Variants in PTPRM observed in about 807,000 individuals in gnomAD.
The protein encoded by PTPRM is receptor-type tyrosine-protein phosphatase mu.
PTPRM carries 47 observed loss-of-function variants against 186.7 expected under a neutral mutation model. The ratio of observed to expected loss-of-function variants is 0.25; its 90% CI spans 0.20 to 0.32. The LOEUF is 0.32. PTPRM is among the 10% of genes least tolerant of loss of function. The pLI is 1.00. For synonymous variants in PTPRM, 668 were observed against 674.9 expected, an observed-to-expected ratio of 0.99 and a Z score of 0.16; for missense variants, 1,494 against 1,865.0, an observed-to-expected ratio of 0.80 and a Z score of 3.66.
chr18:8,001,970 C>G (rs1488730688), intron 7 of PTPRM, among the ~76,000 whole-genome samples: 2 of 152,166 alleles, frequency 1.3e-5, no homozygotes, highest in Non-Finnish European at 2.9e-5. Flanking sequence ...ACAGTTCTGC[C>G]TCAGCTAATG....
chr18:8,137,320 A>T (rs867977495), intron 13 of PTPRM, among the ~76,000 whole-genome samples: 2 of 152,078 alleles, frequency 1.3e-5, no homozygotes, highest in African/African-American at 4.8e-5. Context: ...GGTTCAATTC[A>T]GACATTGAAC....
chr18:8,117,064 G>A (rs2145756226), intron 13 of PTPRM, among the ~76,000 whole-genome samples: 1 of 152,274 alleles, frequency 6.6e-6, no homozygotes, highest in Middle Eastern at 3.4e-3. Flanking sequence ...GTTCTACATG[G>A]ACGGATTCAT....
intron 4 of PTPRM, among the ~76,000 whole-genome samples, chr18:7,909,725 T>C (rs1379488277): frequency 3.6e-5 from 4 of 109,730 alleles, no homozygotes; most frequent in African/African-American, 1.0e-4. Flanking sequence ...TAAAGGCTCT[T>C]GTTTGGATTC....
At chr18:8,226,305 T>C (rs563443778) in intron 14 of PTPRM, among the ~76,000 whole-genome samples, 12 of 125,668 alleles carry the variant, frequency 9.5e-5, no homozygotes, top group South Asian at 2.6e-4. Flanking sequence ...CACAAATAAA[T>C]AGCATGTAAA....
intron 14 of PTPRM, among the ~76,000 whole-genome samples, chr18:8,213,166 T>A (rs923495402): frequency 1.3e-5 from 2 of 152,218 alleles, no homozygotes; most frequent in African/African-American, 2.4e-5. Flanking sequence ...TTTTTTGTTA[T>A]AGATGTTTAA....
At chr18:8,085,558 G>A in intron 9 of PTPRM, 113 bp from the exon 10 acceptor site, 1 of 895,278 alleles carries the variant, frequency 1.1e-6, no homozygotes, top group Non-Finnish European at 1.8e-6. Context: ...AGTCTGAGTA[G>A]GAGCTTATCA....
intron 14 of PTPRM, among the ~76,000 whole-genome samples, chr18:8,188,490 T>C (rs41366746): frequency 0.034 from 5,219 of 152,084 alleles, 306 homozygotes; most frequent in African/African-American, 0.12. Context: ...TCCGAGAAAA[T>C]GTCCAGCTGA....
intron 18 of PTPRM, 86 bp from the exon 19 acceptor site, chr18:8,253,141 C>G: frequency 8.6e-7 from 1 of 1,156,332 alleles, no homozygotes. Context: ...TGAGGGGATG[C>G]CAGGAGCCAG....
At chr18:8,206,479 A>T (rs993804877) in intron 14 of PTPRM, among the ~76,000 whole-genome samples, 3 of 151,890 alleles carry the variant, frequency 2.0e-5, no homozygotes, top group Non-Finnish European at 4.4e-5. Flanking sequence ...CGATCTCCTG[A>T]CCTCATCATC....
intron 3 of PTPRM, among the ~76,000 whole-genome samples, chr18:7,890,841 G>A (rs898373169): frequency 3.3e-5 from 5 of 152,216 alleles, no homozygotes; most frequent in African/African-American, 9.6e-5. Context: ...TAAGAATAAT[G>A]TTATGGAAGA....
intron 1 of PTPRM, among the ~76,000 whole-genome samples, chr18:7,579,312 C>G (rs1291269361): frequency 6.6e-6 from 1 of 152,106 alleles, no homozygotes; most frequent in East Asian, 1.9e-4. Context: ...GAAAGAAATA[C>G]CTCATATGAT....
At chr18:7,586,085 A>C (rs188362376) in intron 1 of PTPRM, among the ~76,000 whole-genome samples, 1 of 152,310 alleles carries the variant, frequency 6.6e-6, no homozygotes, top group East Asian at 1.9e-4. Flanking sequence ...ACTGAAGCAA[A>C]GTGGCCAAGA....
intron 2 of PTPRM, among the ~76,000 whole-genome samples, chr18:7,867,274 T>C (rs762992100): frequency 3.3e-4 from 50 of 152,348 alleles, no homozygotes; most frequent in Middle Eastern, 3.4e-3. Flanking sequence ...TGTTAGTTAA[T>C]GCAATTTCTT....
At chr18:7,578,626 C>T (rs559612430) in intron 1 of PTPRM, among the ~76,000 whole-genome samples, 15 of 149,424 alleles carry the variant, frequency 1.0e-4, no homozygotes, top group African/African-American at 3.0e-4. Context: ...TGAGCCACAG[C>T]GCCTGGCCAA....
intron 7 of PTPRM, among the ~76,000 whole-genome samples, chr18:8,054,296 G>GTTT (rs370386656): frequency 4.5e-5 from 6 of 132,934 alleles, no homozygotes; most frequent in South Asian, 2.2e-4. Context: ...ACTAGTAGTA[G>GTTT]TAATATATAT....
chr18:7,573,118 A>G (rs1294323026), intron 1 of PTPRM, among the ~76,000 whole-genome samples: 3 of 152,154 alleles, frequency 2.0e-5, no homozygotes, highest in African/African-American at 7.2e-5. Context: ...AGGGTCTGGG[A>G]GTATGTGAGA....
chr18:7,649,193 T>A (rs2038636691), intron 1 of PTPRM, among the ~76,000 whole-genome samples: 1 of 152,168 alleles, frequency 6.6e-6, no homozygotes, highest in African/African-American at 2.4e-5. Flanking sequence ...TTAAGCCTGC[T>A]GTTGAGATCT....
chr18:7,837,859 G>A (rs1285482177), intron 2 of PTPRM, among the ~76,000 whole-genome samples: 3 of 152,268 alleles, frequency 2.0e-5, no homozygotes, highest in Non-Finnish European at 4.4e-5. Context: ...ACTTGTAGAC[G>A]CTCATCTGTA....
chr18:8,253,575 T>G (rs373625770), intron 19 of PTPRM, among the ~76,000 whole-genome samples, 161 bp downstream of exon 19: 19 of 152,138 alleles, frequency 1.2e-4, no homozygotes, highest in African/African-American at 3.9e-4. Context: ...GGGGGATTGG[T>G]TCCAGGACCC....
Sources: allele counts gnomAD v4.1 joint callset (sites outside exome capture counted in the v4.1 genomes callset), GRCh38; gene constraint gnomAD v4.1.1; transcripts MANE v1.5; gene names NCBI Gene and HGNC (gene_info 2026-07-23, HGNC 2026-07-21).